SYT7: variants seen among roughly 807,000 people sequenced by gnomAD.
The protein encoded by SYT7 is synaptotagmin-7.
In SYT7, 29 loss-of-function variants were observed where a neutral mutation model predicts 75.1. The ratio of observed to expected loss-of-function variants is 0.39; its 90% CI spans 0.29 to 0.53. The LOEUF is 0.53. Among genes scored for constraint, SYT7 ranks in the 20% least tolerant of loss-of-function variants. The pLI is 0.77. For synonymous variants in SYT7, 376 were observed against 401.7 expected, an observed-to-expected ratio of 0.94 and a Z score of 0.76; for missense variants, 693 against 953.2, an observed-to-expected ratio of 0.73 and a Z score of 3.59.
intron 1 of SYT7, among the ~76,000 whole-genome samples, chr11:61,558,708 G>A (rs943784823): frequency 2.0e-5 from 3 of 152,022 alleles, no homozygotes; most frequent in Non-Finnish European, 4.4e-5. Context: ...GACTCCAAAA[G>A]ACCTGAGAAA....
chr11:61,573,257 C>G (rs1463310559), intron 1 of SYT7, among the ~76,000 whole-genome samples: 1 of 152,214 alleles, frequency 6.6e-6, no homozygotes, highest in Admixed American at 6.5e-5. Context: ...GGCCCTGGGC[C>G]TGCCCATCTT....
chr11:61,581,313 G>A (rs1211393519), upstream of SYT7, among the ~76,000 whole-genome samples: 1 of 149,740 alleles, frequency 6.7e-6, no homozygotes, highest in Non-Finnish European at 1.5e-5. Flanking sequence ...AGTCCCCGCG[G>A]GGAGGGCCGC....
At chr11:61,533,572 C>T (rs1013746530) in intron 7 of SYT7, 55 of 985,294 alleles carry the variant, frequency 5.6e-5, no homozygotes, top group East Asian at 1.1e-4. Context: ...TCTGCAAACA[C>T]GCCCAGAATG....
intron 1 of SYT7, among the ~76,000 whole-genome samples, chr11:61,567,665 A>T (rs1052027704): frequency 6.6e-6 from 1 of 152,148 alleles, no homozygotes; most frequent in Non-Finnish European, 1.5e-5. Context: ...GGTAAATACC[A>T]CGCCCCATTC....
Position 61,542,106 on chromosome 11 carries a change from T to C in SYT7, c.941+105A>G. 4 of 1,409,184 alleles carry C rather than the reference T, an allele frequency of 2.8e-6. No individual in the cohort carries two copies. The highest frequency in any genetic ancestry group is 3.7e-6 in the Non-Finnish European group (4 of 1,072,420). The allele number at this position is 1,409,184 out of a possible 1,614,324, so 87.3% of individuals were successfully genotyped here. A position where few individuals can be genotyped will look rare whatever the true frequency, so the allele number is the denominator to read the frequency against. ...TCTGCTTGGCACCCTGCCAAGGGGA[T>C]GGAGGGCCGGGAGGTACACACAACC... is the stretch of plus-strand genomic sequence containing the variant. On this transcript the variant is annotated intron_variant, in intron 6 of 12. Transcript: ENST00000539008. This position sits in a 1 kb window ranked among gnomAD's most constrained non-coding sequence, Gnocchi z 7.8.
intron 4 of SYT7, 80 bp downstream of exon 4, chr11:61,547,097 G>C: frequency 6.8e-7 from 1 of 1,478,376 alleles, no homozygotes; most frequent in Non-Finnish European, 9.0e-7. Context: ...CGGGTCCAGA[G>C]GTGGGTGGGG....
intron 1 of SYT7, among the ~76,000 whole-genome samples, chr11:61,565,395 G>A (rs909779529): frequency 6.6e-6 from 1 of 152,118 alleles, no homozygotes; most frequent in Non-Finnish European, 1.5e-5. Context: ...AAGCCAGAAA[G>A]AGGCAGAGTT....
chr11:61,568,528 T>C (rs1486056608), intron 1 of SYT7, among the ~76,000 whole-genome samples: 1 of 152,198 alleles, frequency 6.6e-6, no homozygotes, highest in African/African-American at 2.4e-5. Context: ...CTCAGCCTCC[T>C]ACACATGAGG....
At chr11:61,569,109 T>C (rs547054172) in intron 1 of SYT7, among the ~76,000 whole-genome samples, 2 of 152,248 alleles carry the variant, frequency 1.3e-5, no homozygotes, top group East Asian at 3.9e-4. Flanking sequence ...TCCCCACTCC[T>C]ACTCCCCGGG....
At position 61,524,650 on chromosome 11, in the gene SYT7, C is replaced by T. The variant is rs1248582032; in HGVS notation, c.1472-118G>A. On this transcript the variant is annotated intron_variant, in intron 9 of 12. Transcript: ENST00000539008. The surrounding 1 kb of genome is among the most constrained non-coding windows in gnomAD (Gnocchi z 4.1). Reference sequence around the variant, plus strand: ...CCTGTGCCCTCCCGCTGCCACCCCACCGGGCCAGCAGGCACACCGGATTGC... The same window carrying T: ...CCTGTGCCCTCCCGCTGCCACCCCATCGGGCCAGCAGGCACACCGGATTGC... 5 of 1,001,100 alleles carry T rather than the reference C, an allele frequency of 5.0e-6. No individual in the cohort carries two copies. Among genetic ancestry groups the T allele is most frequent in the Non-Finnish European group, 7.2e-6 (5 of 691,348 alleles). The allele number at this position is 1,001,100 out of a possible 1,614,324, so 62.0% of individuals were successfully genotyped here.
chr11:61,516,909 A>G lies in SYT7; in HGVS notation c.*1718T>C. Reference sequence around the variant, plus strand: ...GGTATGGGCAAAAGGCGACCCGTCTACTGCAGCAAGCAGAATGCTCAGCTC... The same window carrying G: ...GGTATGGGCAAAAGGCGACCCGTCTGCTGCAGCAAGCAGAATGCTCAGCTC... On this transcript the variant is annotated 3_prime_UTR_variant, in exon 13 of 13. Transcript: ENST00000539008. The surrounding 1 kb of genome is among the most constrained non-coding windows in gnomAD (Gnocchi z 4.6). 4.6e-6 allele frequency: 1 copy of G among 217,834 alleles called. No homozygotes were observed. Among genetic ancestry groups the G allele is most frequent in the Non-Finnish European group, 9.0e-6 (1 of 111,478 alleles). 13.5% of individuals were successfully genotyped at this position (217,834 alleles called of 1,614,324 possible).
In SYT7 at chr11:61,517,970, C is replaced by G. The variant is rs2062190031; in HGVS notation, c.*657G>C. ...AGCCCTATGGGCCTCTCCTCTCACA[C>G]CCCCGGCCTCCAACCCTGCCTGGCC... is the stretch of plus-strand genomic sequence containing the variant. On this transcript the variant is annotated 3_prime_UTR_variant, in exon 13 of 13. Transcript: ENST00000539008. 5.5e-6 allele frequency: 1 copy of G among 182,186 alleles called. No homozygotes were observed. The highest frequency in any genetic ancestry group is 2.0e-4 in the South Asian group (1 of 5,042). The allele number at this position is 182,186 out of a possible 1,614,324, so 11.3% of individuals were successfully genotyped here. A position where few individuals can be genotyped will look rare whatever the true frequency, so the allele number is the denominator to read the frequency against.
chr11:61,583,268 A>G (rs938407689), upstream of SYT7, among the ~76,000 whole-genome samples: 6 of 151,804 alleles, frequency 4.0e-5, no homozygotes, highest in Admixed American at 3.9e-4. Context: ...CCCTCCCACA[A>G]CAGATGGGCA....
chr11:61,538,197 A>T lies in SYT7; in HGVS notation c.1011T>A (p.Pro337=). ...GCTGGGTTCCTGGGTTTTGCAGGTC[A>T]GGGATATTGGCAAAGTCATCCTGTT... The part of the protein sequence containing the change: ...LSEQDDFANI[P]DLQNPGTQQN... Residue 337 remains proline, a synonymous_variant, in exon 7 of 13, where the codon CCT becomes CCA. Coordinates refer to ENST00000539008, the MANE Select transcript of SYT7 (RefSeq NM_001365809.2). 2.6e-6 allele frequency: 4 copies of T among 1,536,070 alleles called. No individual in the cohort carries two copies. Among genetic ancestry groups the T allele is most frequent in the Non-Finnish European group, 3.5e-6 (4 of 1,146,862 alleles).
intron 5 of SYT7, among the ~76,000 whole-genome samples, chr11:61,545,178 A>G (rs1050878597): frequency 2.6e-5 from 4 of 152,198 alleles, no homozygotes; most frequent in African/African-American, 9.7e-5. Context: ...ATGAGAGGGG[A>G]TATACTGTCT....
At chr11:61,572,945 A>G (rs1364894179) in intron 1 of SYT7, among the ~76,000 whole-genome samples, 1 of 152,176 alleles carries the variant, frequency 6.6e-6, no homozygotes, top group Non-Finnish European at 1.5e-5. Flanking sequence ...AAATGCCAAC[A>G]TGCATGTGTG....
intron 6 of SYT7, 133 bp from the exon 7 acceptor site, chr11:61,538,399 G>GAC (rs2062944376): frequency 4.0e-6 from 3 of 759,258 alleles, no homozygotes; most frequent in Non-Finnish European, 4.1e-6. Flanking sequence ...AAGAGAGAGA[G>GAC]AGAGACAGAG....
rs1363347268 is a variant in SYT7 at position 61,556,134 on chromosome 11, G to A, written c.105C>T (p.Cys35=). The A allele has an allele frequency of 1.1e-5, 17 of 1,613,832 alleles. No homozygotes were observed. The highest frequency in any genetic ancestry group is 1.4e-5 in the Non-Finnish European group (16 of 1,179,932). ...TVSLSVTVVL[C]GLCHWCQRKL... Reference sequence around the variant, plus strand: ...TGCGCTGACACCAGTGGCAGAGGCCGCAGAGGACGACAGTGACGCTAAGGC... The same window carrying A: ...TGCGCTGACACCAGTGGCAGAGGCCACAGAGGACGACAGTGACGCTAAGGC... The change falls in exon 2 of 13, where the codon TGC becomes TGT. Residue 35 remains cysteine (C), a synonymous_variant. Transcript: ENST00000539008.
At position 61,542,350 on chromosome 11, in the gene SYT7, C is replaced by T. The variant is rs1289433335; in HGVS notation, c.802G>A (p.Gly268Ser). Residue 268 changes from glycine to serine, a missense_variant, in exon 6 of 13, where the codon GGC (glycine) becomes AGC (serine). Transcript: ENST00000539008. This position sits in a 1 kb window ranked among gnomAD's most constrained non-coding sequence, Gnocchi z 7.8. ...SAPGPNPRAY[G>S]RGQARQGTSA... The stretch of plus-strand genomic sequence containing the variant: ...GTGCCCTGCCGAGCCTGGCCCCGGC[C>T]ATAGGCCCGGGGGTTGGGGCCTGGT... The T allele has an allele frequency of 2.0e-6, 3 of 1,530,468 alleles. No individual in the cohort carries two copies. The Admixed American group carries it at 5.9e-5, about 30-fold the overall frequency. 94.8% of individuals were successfully genotyped at this position (1,530,468 alleles called of 1,614,324 possible).
Sources: gnomAD v4.1 joint callset for allele counts (sites outside exome capture counted in the v4.1 genomes callset) on GRCh38, gnomAD v4.1.1 for gene constraint, Gnocchi (gnomAD v3.1) non-coding constraint, MANE v1.5 for transcripts, NCBI Gene and HGNC (gene_info 2026-07-23, HGNC 2026-07-21) for gene names.